The following P2RY14 variants were observed in gnomAD, a reference collection of about 807,000 sequenced individuals.
P2RY14 encodes the protein purinergic receptor P2Y14, also known as P2Y purinoceptor 14.
P2RY14 carries 2 observed loss-of-function variants against 0.9 expected under a neutral mutation model. That is an observed-to-expected ratio of 2.16 (90% CI 0.88 to 6.79). P2RY14 has a LOEUF of 6.79. Among genes scored for constraint, P2RY14 ranks in the 30% most tolerant of loss-of-function variants. The pLI, the probability that P2RY14 is intolerant of heterozygous loss-of-function variation, is 0.05. For synonymous variants in P2RY14, 158 were observed against 147.2 expected, an observed-to-expected ratio of 1.07 and a Z score of -0.53; for missense variants, 378 against 400.1, an observed-to-expected ratio of 0.94 and a Z score of 0.47.
At chr3:151,262,035 A>G (rs1288824882) in intron 1 of P2RY14, among the ~76,000 whole-genome samples, 1 of 152,166 alleles carries the variant, frequency 6.6e-6, no homozygotes. Context: ...CTGAAGGGGT[A>G]GATGTTTTAA....
intron 1 of P2RY14, chr3:151,248,990 C>A (rs1736323059): frequency 6.6e-6 from 1 of 152,312 alleles, no homozygotes; most frequent in Admixed American, 6.5e-5. Context: ...GTGGGAAACA[C>A]TGCATTAGCT....
chr3:151,277,871 A>G (rs1742153949), intron 1 of P2RY14, among the ~76,000 whole-genome samples: 1 of 152,270 alleles, frequency 6.6e-6, no homozygotes, highest in African/African-American at 2.4e-5. Flanking sequence ...ATATCTGTAC[A>G]CATATGCAAT....
At chr3:151,242,638 A>G (rs962280103) in intron 1 of P2RY14, among the ~76,000 whole-genome samples, 18 of 152,236 alleles carry the variant, frequency 1.2e-4, no homozygotes, top group Non-Finnish European at 2.4e-4. Context: ...ATCAAAGACC[A>G]AAAGTAGATA....
At chr3:151,248,024 A>G (rs1054411231) in intron 1 of P2RY14, among the ~76,000 whole-genome samples, 4 of 118,376 alleles carry the variant, frequency 3.4e-5, no homozygotes, top group Admixed American at 1.0e-4. Context: ...AAGCATGTAT[A>G]TTAAGTTTCT....
At chr3:151,275,802 G>A (rs188563434) in intron 1 of P2RY14, among the ~76,000 whole-genome samples, 2 of 152,290 alleles carry the variant, frequency 1.3e-5, no homozygotes, top group East Asian at 1.9e-4. Context: ...TAGTTTGGTT[G>A]TAGGTATTTT....
intron 1 of P2RY14, among the ~76,000 whole-genome samples, chr3:151,265,908 C>T (rs923711632): frequency 3.9e-5 from 6 of 152,048 alleles, no homozygotes; most frequent in Non-Finnish European, 8.8e-5. Flanking sequence ...GTCTTGCGGC[C>T]CTGAGAATTG....
In P2RY14 at chr3:151,228,926, C is replaced by T. The variant is rs560590106; in HGVS notation, c.-132-9284G>A. 2.2e-4 allele frequency among the ~76,000 whole-genome samples: 34 copies of T among 152,306 alleles called. 1 individual carries two copies. The highest frequency in any genetic ancestry group is 9.8e-4 in the Admixed American group (15 of 15,310). On this transcript the variant is annotated intron_variant, in intron 1 of 2. Coordinates refer to ENST00000309170, the MANE Select transcript of P2RY14 (RefSeq NM_014879.4). ...GAATCCATGACCTCTTTTCGCCTCACTGAGATGGTATTTGCATTTCTCAGG... is the reference window on the plus strand; with the variant it reads ...GAATCCATGACCTCTTTTCGCCTCATTGAGATGGTATTTGCATTTCTCAGG...
At chr3:151,223,988 A>G (rs527975374) in intron 1 of P2RY14, among the ~76,000 whole-genome samples, 11 of 152,312 alleles carry the variant, frequency 7.2e-5, no homozygotes, top group Admixed American at 3.3e-4. Flanking sequence ...TATCTGTGAT[A>G]TTTTATTTCT....
intron 2 of P2RY14, among the ~76,000 whole-genome samples, chr3:151,216,156 A>G (rs117038334): frequency 5.3e-5 from 8 of 152,140 alleles, no homozygotes; most frequent in Non-Finnish European, 8.8e-5. Context: ...TTACTCTTGA[A>G]TTCTTTGCAT....
Position 151,213,230 on chromosome 3 carries a change from A to G in P2RY14, c.*70T>C, listed in dbSNP as rs1727473653. On this transcript the variant is annotated 3_prime_UTR_variant, in exon 3 of 3. Transcript: ENST00000309170. ...TATTTATGATGAGGGCACATATCTT[A>G]TTGATTTCTGTTATGTAATTGAAGA... 8.4e-7 allele frequency: 1 copy of G among 1,191,278 alleles called. No homozygotes were observed. Among genetic ancestry groups the G allele is most frequent in the African/African-American group, 1.5e-5 (1 of 65,256 alleles). 73.8% of individuals were successfully genotyped at this position (1,191,278 alleles called of 1,614,324 possible). A position where few individuals can be genotyped will look rare whatever the true frequency, so the allele number is the denominator to read the frequency against.
At chr3:151,224,223 A>G (rs1292394664) in intron 1 of P2RY14, among the ~76,000 whole-genome samples, 1 of 152,172 alleles carries the variant, frequency 6.6e-6, no homozygotes, top group African/African-American at 2.4e-5. Context: ...CAGTTCTTAT[A>G]AAGGTACAAC....
chr3:151,223,119 C>G (rs976336509), intron 1 of P2RY14, among the ~76,000 whole-genome samples: 1 of 145,470 alleles, frequency 6.9e-6, no homozygotes, highest in Non-Finnish European at 1.5e-5. Context: ...GGAACATGTG[C>G]TGGTTGTAAA....
intron 1 of P2RY14, among the ~76,000 whole-genome samples, chr3:151,258,678 C>T (rs552980517): frequency 7.9e-5 from 12 of 151,912 alleles, no homozygotes; most frequent in East Asian, 3.9e-4. Context: ...GGTGAAACCC[C>T]GTCTCTACTA....
intron 1 of P2RY14, among the ~76,000 whole-genome samples, chr3:151,257,173 G>A (rs1168521112): frequency 1.3e-5 from 2 of 152,034 alleles, no homozygotes; most frequent in East Asian, 1.9e-4. Context: ...AAGTGACCTC[G>A]CCTGGAAAGC....
intron 1 of P2RY14, among the ~76,000 whole-genome samples, chr3:151,257,214 T>G (rs1358919412): frequency 2.6e-5 from 4 of 152,268 alleles, no homozygotes; most frequent in African/African-American, 9.6e-5. Flanking sequence ...TCTGTACCAC[T>G]TATTCTTCAG....
chr3:151,248,635 C>T (rs1736231267), intron 1 of P2RY14, among the ~76,000 whole-genome samples: 1 of 151,898 alleles, frequency 6.6e-6, no homozygotes, highest in Non-Finnish European at 1.5e-5. Flanking sequence ...TGTACAAGCC[C>T]CATGAAAGGA....
intron 2 of P2RY14, among the ~76,000 whole-genome samples, chr3:151,215,970 G>T (rs1728139420): frequency 6.6e-6 from 1 of 152,062 alleles, no homozygotes; most frequent in Admixed American, 6.6e-5. Context: ...TATCCTCAAG[G>T]CCTCAGCTTA....
intron 1 of P2RY14, among the ~76,000 whole-genome samples, chr3:151,246,814 A>G (rs1735626738): frequency 6.6e-6 from 1 of 152,232 alleles, no homozygotes; most frequent in African/African-American, 2.4e-5. Context: ...AAAAGATACT[A>G]CCATCAGAGT....
intron 1 of P2RY14, among the ~76,000 whole-genome samples, chr3:151,242,084 A>G (rs1428487953): frequency 1.3e-5 from 2 of 152,120 alleles, no homozygotes; most frequent in East Asian, 3.9e-4. Flanking sequence ...AAAACGGGGC[A>G]CCACGAGATT....
Sources: gnomAD v4.1 joint callset for allele counts (sites outside exome capture counted in the v4.1 genomes callset) on GRCh38, gnomAD v4.1.1 for gene constraint, MANE v1.5 for transcripts, NCBI Gene and HGNC (gene_info 2026-07-23, HGNC 2026-07-21) for gene names.